The following LCOR variants were observed in gnomAD, a reference collection of about 807,000 sequenced individuals.
LCOR encodes ligand-dependent corepressor.
Under a neutral mutation model 64.4 loss-of-function variants are expected in LCOR, and 14 were observed. The ratio of observed to expected loss-of-function variants is 0.22; its 90% CI spans 0.14 to 0.34. LCOR has a LOEUF of 0.34. Ranked by LOEUF, LCOR falls within the 10% of genes least tolerant of loss-of-function variation. The pLI, the probability that LCOR is intolerant of heterozygous loss-of-function variation, is 1.00. For synonymous variants in LCOR, 643 were observed against 642.5 expected (o/e 1.00, Z -0.01); for missense variants, 1,686 against 1,765.3 (o/e 0.96, Z 0.80).
At chr10:96,951,651 A>C (rs1847682533) in intron 6 of LCOR, among the ~76,000 whole-genome samples, 1 of 152,026 alleles carries the variant, frequency 6.6e-6, no homozygotes, top group Non-Finnish European at 1.5e-5. Flanking sequence ...TCTATATCGA[A>C]TTTGTATGTA....
chr10:96,993,826 G>A lies in LCOR; in HGVS notation c.*8692G>A, dbSNP rs1373181281. 1 of 151,432 alleles carries A rather than the reference G, an allele frequency of 6.6e-6. No individual in the cohort carries two copies. Among genetic ancestry groups the A allele is most frequent in the Non-Finnish European group, 1.5e-5 (1 of 67,924 alleles). The allele number at this position is 151,432 out of a possible 1,614,324, so 9.4% of individuals were successfully genotyped here. On this transcript the variant is annotated 3_prime_UTR_variant, in exon 8 of 8. Coordinates refer to ENST00000421806, the MANE Select transcript of LCOR (RefSeq NM_001346516.2). ...GGTCAGTACTCAGATCTGCAGAGCA[G>A]ATTTCCAGATGTTCTTTCTGATGTG...
At position 96,907,299 on chromosome 10, in the gene LCOR, T is replaced by C; in HGVS notation, c.-295T>C. 4 of 982,372 alleles carry C rather than the reference T, an allele frequency of 4.1e-6. No individual in the cohort carries two copies. In the South Asian group the frequency reaches 1.9e-4, roughly 46 times the overall value. The allele number at this position is 982,372 out of a possible 1,614,324, so 60.9% of individuals were successfully genotyped here. On this transcript the variant is annotated 5_prime_UTR_variant, in exon 3 of 8. Coordinates refer to ENST00000421806, the MANE Select transcript of LCOR (RefSeq NM_001346516.2). ...GTATTCTTGAAGGGCTGTTTGGACC[T>C]GCATTATTAAAAGATCTCAGTTTAT...
At chr10:96,844,727 G>A (rs1014186086) in intron 2 of LCOR, among the ~76,000 whole-genome samples, 6 of 152,152 alleles carry the variant, frequency 3.9e-5, no homozygotes, top group African/African-American at 7.2e-5. Context: ...AGATTGGAGC[G>A]TAGGCTTAGG....
chr10:96,969,191 A>C (rs1847975999), intron 7 of LCOR, among the ~76,000 whole-genome samples: 1 of 152,246 alleles, frequency 6.6e-6, no homozygotes. Context: ...TGAGAAAGTC[A>C]GATTGACATT....
chr10:96,950,129 T>A (rs1847652506), intron 6 of LCOR, among the ~76,000 whole-genome samples: 1 of 152,194 alleles, frequency 6.6e-6, no homozygotes, highest in Non-Finnish European at 1.5e-5. Context: ...GATTTTATTG[T>A]CATAGAAATC....
At chr10:96,887,584 T>A (rs570225495) in intron 2 of LCOR, among the ~76,000 whole-genome samples, 1 of 151,792 alleles carries the variant, frequency 6.6e-6, no homozygotes. Flanking sequence ...AAATACTACT[T>A]AATCATGAGC....
chr10:96,981,375 G>A lies in LCOR; in HGVS notation c.915G>A (p.Glu305=). 8 of 1,614,126 alleles carry A rather than the reference G, an allele frequency of 5.0e-6. No homozygotes were observed. The highest frequency in any genetic ancestry group is 1.3e-5 in the African/African-American group (1 of 75,062). ...QEQDTNVNIC[E]DGKDHMQSSA... ...AAGACACAAATGTGAACATATGTGAGGATGGTAAAGACCATATGCAGAGTT... is the reference window on the plus strand; with the variant it reads ...AAGACACAAATGTGAACATATGTGAAGATGGTAAAGACCATATGCAGAGTT... Residue 305 remains glutamate, a synonymous_variant, in exon 8 of 8, where the codon GAG becomes GAA. Coordinates refer to ENST00000421806, the MANE Select transcript of LCOR (RefSeq NM_001346516.2).
At chr10:96,920,434 G>GTGTATATATGTATATATATTCA (rs1554837187) in intron 4 of LCOR, among the ~76,000 whole-genome samples, 2 of 124,012 alleles carry the variant, frequency 1.6e-5, no homozygotes, top group Non-Finnish European at 1.6e-5. Context: ...ATATATATGT[G>GTGTATATATGTATATATATTCA]TATATATGTG....
chr10:96,859,814 C>T (rs183675595), intron 2 of LCOR, among the ~76,000 whole-genome samples: 21 of 152,232 alleles, frequency 1.4e-4, no homozygotes, highest in South Asian at 2.1e-4. Flanking sequence ...TCTTGGCTTC[C>T]GAAAGTGGTG....
intron 2 of LCOR, among the ~76,000 whole-genome samples, chr10:96,852,516 A>G (rs1348106363): frequency 1.3e-5 from 2 of 152,248 alleles, no homozygotes; most frequent in Non-Finnish European, 2.9e-5. Context: ...CTTGTGTGCC[A>G]TCCCCAAGAT....
chr10:96,884,235 A>T (rs1846307132), intron 2 of LCOR, among the ~76,000 whole-genome samples: 1 of 152,220 alleles, frequency 6.6e-6, no homozygotes, highest in Non-Finnish European at 1.5e-5. Flanking sequence ...CAGCTAATGG[A>T]ATGTGAGTCC....
intron 4 of LCOR, among the ~76,000 whole-genome samples, chr10:96,942,447 AGAGAGGGAGAGGAGG>A (rs2134511856): frequency 8.9e-6 from 1 of 111,734 alleles, no homozygotes; most frequent in African/African-American, 4.3e-5. Flanking sequence ...GAGACCGTGG[AGAGAGGGAGAGGAGG>A]GAGAGGGAGA....
chr10:96,938,884 GAC>G (rs1321657984), intron 4 of LCOR, among the ~76,000 whole-genome samples: 1 of 152,186 alleles, frequency 6.6e-6, no homozygotes, highest in Admixed American at 6.5e-5. Flanking sequence ...TACATGGAAA[GAC>G]ATGTTCATGG....
At chr10:96,968,634 T>G (rs61863058) in intron 7 of LCOR, among the ~76,000 whole-genome samples, 174 of 152,214 alleles carry the variant, frequency 1.1e-3, no homozygotes, top group Non-Finnish European at 1.7e-3. Flanking sequence ...GTTTGAGAGA[T>G]AGGATTTGAT....
Position 96,925,900 on chromosome 10 carries a change from T to C in LCOR, c.-184+18153T>C, listed in dbSNP as rs571843958. On this transcript the variant is annotated intron_variant, in intron 4 of 7. Coordinates refer to ENST00000421806, the MANE Select transcript of LCOR (RefSeq NM_001346516.2). Reference sequence around the variant, plus strand: ...TTAGCTTTATACTTTGAGGAAGACCTGTCCCTTTCCTGTATCAGTTTGAAG... The same window carrying C: ...TTAGCTTTATACTTTGAGGAAGACCCGTCCCTTTCCTGTATCAGTTTGAAG... Among the ~76,000 whole-genome samples the C allele has an allele frequency of 2.0e-5, 3 of 152,352 alleles. No homozygotes were observed. The East Asian group carries it at 5.8e-4, about 29-fold the overall frequency.
chr10:96,861,833 A>C (rs1845892842), intron 2 of LCOR, among the ~76,000 whole-genome samples: 1 of 152,072 alleles, frequency 6.6e-6, no homozygotes, highest in African/African-American at 2.4e-5. Flanking sequence ...CGCCCAACCA[A>C]GGTAGGTGTC....
chr10:96,884,148 A>G (rs992365607), intron 2 of LCOR, among the ~76,000 whole-genome samples: 1 of 152,190 alleles, frequency 6.6e-6, no homozygotes, highest in Non-Finnish European at 1.5e-5. Flanking sequence ...CTAAGCTGTT[A>G]TCTGCCTTTC....
chr10:96,916,474 A>G (rs1283787432), intron 4 of LCOR, among the ~76,000 whole-genome samples: 1 of 151,920 alleles, frequency 6.6e-6, no homozygotes, highest in Non-Finnish European at 1.5e-5. Flanking sequence ...TTACACCAGA[A>G]TACTACAAAT....
chr10:96,832,902 G>T, intron 1 of LCOR: 3 of 807,500 alleles, frequency 3.7e-6, no homozygotes, highest in Non-Finnish European at 4.5e-6. Flanking sequence ...GCGCGCCCCC[G>T]GGTCTGCGTG....
Sources: gnomAD v4.1 joint callset for allele counts (sites outside exome capture counted in the v4.1 genomes callset) on GRCh38, gnomAD v4.1.1 for gene constraint, MANE v1.5 for transcripts, NCBI Gene and HGNC (gene_info 2026-07-23, HGNC 2026-07-21) for gene names.